Variants in STAU1 observed in about 807,000 individuals in gnomAD.
STAU1 encodes the protein staufen double-stranded RNA binding protein 1.
STAU1 carries 13 observed loss-of-function variants against 62.9 expected under a neutral mutation model. That is an observed-to-expected ratio of 0.21 (90% confidence interval 0.13 to 0.33). STAU1 has a LOEUF of 0.33. Ranked by LOEUF, STAU1 falls within the 10% of genes least tolerant of loss-of-function variation. STAU1 has a pLI of 1.00. For synonymous variants in STAU1, 269 were observed against 265.1 expected, an observed-to-expected ratio of 1.01 and a Z score of -0.14; for missense variants, 571 against 712.1, an observed-to-expected ratio of 0.80 and a Z score of 2.25.
At chr20:49,213,249 T>C in the STAU1 span, among the ~76,000 whole-genome samples, 1 of 151,738 alleles carries the variant, frequency 6.6e-6, no homozygotes, top group South Asian at 2.1e-4. Flanking sequence ...TTTTTTTTTT[T>C]AGACAGAGTT....
At chr20:49,144,676 A>C (rs2093085836) in intron 5 of STAU1, among the ~76,000 whole-genome samples, 1 of 152,148 alleles carries the variant, frequency 6.6e-6, no homozygotes, top group South Asian at 2.1e-4. Flanking sequence ...CAAAAAGGAG[A>C]CTCAAAAGAT....
chr20:49,115,490 AG>A (rs1416927960), intron 13 of STAU1, among the ~76,000 whole-genome samples: 1 of 152,000 alleles, frequency 6.6e-6, no homozygotes, highest in African/African-American at 2.4e-5. Context: ...TAGTAGAGAC[AG>A]GGTTTCACCA....
chr20:49,196,122 TAA>T, the STAU1 span, among the ~76,000 whole-genome samples: 8 of 80,458 alleles, frequency 9.9e-5, no homozygotes, highest in South Asian at 3.4e-4. Flanking sequence ...AGACTCCATC[TAA>T]AAAAAAAAAA....
At chr20:49,215,241 C>A in the STAU1 span, among the ~76,000 whole-genome samples, 14 of 152,298 alleles carry the variant, frequency 9.2e-5, no homozygotes, top group Admixed American at 7.9e-4. Flanking sequence ...CTTTGAGTCT[C>A]AGCTTTGGAA....
chr20:49,155,784 C>A (rs1031119949), intron 3 of STAU1, among the ~76,000 whole-genome samples: 2 of 152,174 alleles, frequency 1.3e-5, no homozygotes, highest in African/African-American at 4.8e-5. Context: ...ATTTTAAGAG[C>A]AGCTCTGATC....
rs1478013823 is a variant in STAU1 at position 49,117,081 on chromosome 20, C to T, written c.1632+45G>A. The T allele has an allele frequency of 2.5e-6, 4 of 1,609,410 alleles. No homozygotes were observed. Among genetic ancestry groups the T allele is most frequent in the Non-Finnish European group, 3.4e-6 (4 of 1,177,582 alleles). On this transcript the variant is annotated intron_variant, in intron 12 of 13. Coordinates refer to ENST00000371856, the MANE Select transcript of STAU1 (RefSeq NM_017453.4). The surrounding 1 kb of genome is among the most constrained non-coding windows in gnomAD (Gnocchi z 4.6). Reference sequence around the variant, plus strand: ...ACAAGCTGAACCAAGGCAGGCTCCACATAAACACACAACACCCCAATCCCT... The same window carrying T: ...ACAAGCTGAACCAAGGCAGGCTCCATATAAACACACAACACCCCAATCCCT...
chr20:49,171,120 C>T (rs2093591476), intron 2 of STAU1, among the ~76,000 whole-genome samples: 1 of 152,196 alleles, frequency 6.6e-6, no homozygotes, highest in African/African-American at 2.4e-5. Context: ...TTTCAGCAAT[C>T]ACATGTAAAT....
intron 10 of STAU1, 84 bp downstream of exon 10, chr20:49,118,249 C>T (rs2092378991): frequency 9.1e-6 from 13 of 1,422,566 alleles, no homozygotes; most frequent in Non-Finnish European, 1.3e-5. Context: ...CGGGACCTCA[C>T]TGGCTGGGCT....
At chr20:49,205,488 C>G in the STAU1 span, among the ~76,000 whole-genome samples, 1 of 151,342 alleles carries the variant, frequency 6.6e-6, no homozygotes, top group Admixed American at 6.6e-5. Flanking sequence ...GCCCCGTCCT[C>G]CTGAGTAGCT....
chr20:49,125,179 ATTT>A (rs2092570585), intron 6 of STAU1, among the ~76,000 whole-genome samples: 1 of 137,072 alleles, frequency 7.3e-6, no homozygotes, highest in African/African-American at 2.7e-5. Flanking sequence ...ACAGACACAC[ATTT>A]ATAAGCTCAT....
rs1159865856 is a variant in STAU1, at chr20:49,117,201, A to C, written c.1557T>G (p.Ser519=). Residue 519 remains serine (S), a synonymous_variant, in exon 12 of 14, where the codon TCT becomes TCG. Transcript: ENST00000371856. The surrounding 1 kb of genome is among the most constrained non-coding windows in gnomAD (Gnocchi z 4.6). ...GTGGCTGAGAGGAGCAATTGATAAGAGATACAAATTCGTTCTTGTTGTTTT... is the reference window on the plus strand; with the variant it reads ...GTGGCTGAGAGGAGCAATTGATAAGCGATACAAATTCGTTCTTGTTGTTTT... The part of the protein sequence containing the change: ...FPKNNKNEFV[S]LINCSSQPPL... The C allele has an allele frequency of 6.2e-7, 1 of 1,614,140 alleles. No individual in the cohort carries two copies. The highest frequency in any genetic ancestry group is 8.5e-7 in the Non-Finnish European group (1 of 1,180,008).
In STAU1 at chr20:49,188,328, G is replaced by C. The variant is rs1294614248; in HGVS notation, c.-372C>G. The C allele has an allele frequency of 6.6e-6, 1 of 151,936 alleles. No individual in the cohort carries two copies. The highest frequency in any genetic ancestry group is 2.4e-5 in the African/African-American group (1 of 41,370). 9.4% of individuals were successfully genotyped at this position (151,936 alleles called of 1,614,324 possible). Reference sequence around the variant, plus strand: ...AGACGCGGCAGCCGCCGGCGCAAACGCTGAAGAGCCGCTCAGGCGCCCGCA... The same window carrying C: ...AGACGCGGCAGCCGCCGGCGCAAACCCTGAAGAGCCGCTCAGGCGCCCGCA... On this transcript the variant is annotated 5_prime_UTR_variant, in exon 1 of 14. Transcript: ENST00000371856.
chr20:49,155,412 C>T (rs1472416540), intron 3 of STAU1, among the ~76,000 whole-genome samples: 2 of 152,108 alleles, frequency 1.3e-5, no homozygotes. Flanking sequence ...TCAGTTCATC[C>T]AATCCATAAA....
chr20:49,128,009 C>T (rs147259879), intron 6 of STAU1, among the ~76,000 whole-genome samples: 4 of 152,122 alleles, frequency 2.6e-5, no homozygotes, highest in Admixed American at 6.5e-5. Flanking sequence ...ATTACCTGGG[C>T]GTGGTAGCGC....
chr20:49,213,988 G>C, the STAU1 span, among the ~76,000 whole-genome samples: 1 of 152,078 alleles, frequency 6.6e-6, no homozygotes, highest in South Asian at 2.1e-4. Flanking sequence ...GAGGCGGGTG[G>C]GTCACCTGGG....
At chr20:49,146,147 T>C (rs934735954) in intron 5 of STAU1, among the ~76,000 whole-genome samples, 6 of 151,972 alleles carry the variant, frequency 3.9e-5, no homozygotes, top group Admixed American at 3.9e-4. Context: ...GCACCTGTGG[T>C]CCTAGCTACT....
intron 3 of STAU1, 147 bp from the exon 4 acceptor site, chr20:49,154,218 C>A: frequency 1.5e-6 from 1 of 687,590 alleles, no homozygotes; most frequent in Non-Finnish European, 2.4e-6. Flanking sequence ...AGGCATCAGA[C>A]AAGGAAATCC....
intron 3 of STAU1, among the ~76,000 whole-genome samples, chr20:49,155,492 A>C (rs188910975): frequency 6.6e-6 from 1 of 152,352 alleles, no homozygotes; most frequent in African/African-American, 2.4e-5. Flanking sequence ...TTTAAAAACA[A>C]CACTTTCATA....
At chr20:49,148,715 A>C (rs2093178677) in intron 5 of STAU1, among the ~76,000 whole-genome samples, 1 of 152,244 alleles carries the variant, frequency 6.6e-6, no homozygotes, top group African/African-American at 2.4e-5. Flanking sequence ...ACCCGGTGAA[A>C]ACTCAGCCCA....
Sources: allele counts gnomAD v4.1 joint callset (sites outside exome capture counted in the v4.1 genomes callset), GRCh38; gene constraint gnomAD v4.1.1; non-coding constraint Gnocchi (gnomAD v3.1); transcripts MANE v1.5; gene names NCBI Gene and HGNC (gene_info 2026-07-23, HGNC 2026-07-21).